Variants in DNAH5 observed in about 807,000 individuals in gnomAD.
DNAH5 encodes axonemal beta dynein heavy chain 5.
DNAH5 carries 372 observed loss-of-function variants against 518.2 expected under a neutral mutation model. That is an observed-to-expected ratio of 0.72 (90% CI 0.66 to 0.78). The LOEUF (loss-of-function observed/expected upper bound fraction) is 0.78, where lower values mean the gene tolerates loss of function less well. DNAH5 is among the 30% of genes least tolerant of loss of function. The pLI is 0.00. For synonymous variants in DNAH5, 2,039 were observed against 2,025.9 expected, an observed-to-expected ratio of 1.01 and a Z score of -0.17; for missense variants, 5,523 against 5,687.0, an observed-to-expected ratio of 0.97 and a Z score of 0.93.
chr5:13,972,836 C>A (rs2152058430), intron 1 of DNAH5, among the ~76,000 whole-genome samples: 1 of 152,320 alleles, frequency 6.6e-6, no homozygotes, highest in Non-Finnish European at 1.5e-5. Context: ...GTGGGAGCTG[C>A]AAGTTAATCC....
At chr5:13,736,487 T>C (rs188103761) in intron 66 of DNAH5, among the ~76,000 whole-genome samples, 2,227 of 152,176 alleles carry the variant, frequency 0.015, 33 homozygotes, top group South Asian at 0.042. Flanking sequence ...CTCCGCCTCC[T>C]GGGTTTAAGA....
At chr5:13,997,711 C>T (rs1170467512) in intron 1 of DNAH5, among the ~76,000 whole-genome samples, 5 of 152,234 alleles carry the variant, frequency 3.3e-5, no homozygotes, top group African/African-American at 4.8e-5. Flanking sequence ...AAAGCTGCTT[C>T]CACATTTTCA....
chr5:13,747,487 T>C (rs1279541169), intron 65 of DNAH5, among the ~76,000 whole-genome samples: 2 of 152,228 alleles, frequency 1.3e-5, no homozygotes, highest in African/African-American at 2.4e-5. Context: ...ATGGTTGAAC[T>C]AGTTTACAGT....
chr5:13,924,326 T>C (rs540201691), intron 3 of DNAH5, among the ~76,000 whole-genome samples: 2 of 152,190 alleles, frequency 1.3e-5, no homozygotes, highest in Non-Finnish European at 2.9e-5. Flanking sequence ...CACGTGACCT[T>C]GGCAAGTTAC....
At chr5:13,769,679 A>G (rs1753056515) in intron 56 of DNAH5, 64 bp from the exon 57 acceptor site, 2 of 1,328,896 alleles carry the variant, frequency 1.5e-6, no homozygotes, top group Non-Finnish European at 1.1e-6. Flanking sequence ...ATTCTCAAGT[A>G]CTGGTCCAAT....
chr5:13,694,758 T>C (rs1317619887), intron 78 of DNAH5, among the ~76,000 whole-genome samples: 1 of 152,208 alleles, frequency 6.6e-6, no homozygotes, highest in Non-Finnish European at 1.5e-5. Context: ...ACCACCCTTT[T>C]GCTAACAACA....
At chr5:13,698,312 GA>G (rs1561068232) in intron 78 of DNAH5, among the ~76,000 whole-genome samples, 1 of 152,170 alleles carries the variant, frequency 6.6e-6, no homozygotes, top group African/African-American at 2.4e-5. Context: ...AGAGAAACAA[GA>G]AGTATCTGAA....
chr5:13,870,343 G>A (rs1474825844), intron 24 of DNAH5, among the ~76,000 whole-genome samples: 5 of 152,148 alleles, frequency 3.3e-5, no homozygotes, highest in African/African-American at 1.2e-4. Flanking sequence ...TTCTCATGGG[G>A]AGGTTATAGC....
chr5:13,854,679 C>T (rs1420433805), intron 30 of DNAH5, among the ~76,000 whole-genome samples: 3 of 137,696 alleles, frequency 2.2e-5, no homozygotes, highest in Non-Finnish European at 4.8e-5. Flanking sequence ...GAATATTTAC[C>T]AAGCAAATGG....
At chr5:13,784,459 C>T (rs1002614104) in intron 52 of DNAH5, among the ~76,000 whole-genome samples, 1 of 152,186 alleles carries the variant, frequency 6.6e-6, no homozygotes, top group Non-Finnish European at 1.5e-5. Context: ...CAAGTGCCCT[C>T]GTGCTGGGGA....
At chr5:13,844,176 T>C (rs1765645296) in intron 32 of DNAH5, among the ~76,000 whole-genome samples, 2 of 152,240 alleles carry the variant, frequency 1.3e-5, no homozygotes, top group African/African-American at 4.8e-5. Flanking sequence ...GCATGACATC[T>C]GGAACATGGT....
intron 75 of DNAH5, among the ~76,000 whole-genome samples, chr5:13,710,263 G>C (rs957264706): frequency 6.6e-6 from 1 of 152,070 alleles, no homozygotes; most frequent in Non-Finnish European, 1.5e-5. Flanking sequence ...AGGAAAAGGG[G>C]GAGACTACTA....
chr5:13,800,977 G>A (rs534872536), intron 47 of DNAH5, among the ~76,000 whole-genome samples: 208 of 152,204 alleles, frequency 1.4e-3, no homozygotes, highest in African/African-American at 4.7e-3. Context: ...AAGGGTGTCT[G>A]GTACTATGTG....
chr5:13,956,694 G>C (rs1780786435), intron 1 of DNAH5, among the ~76,000 whole-genome samples: 1 of 152,180 alleles, frequency 6.6e-6, no homozygotes, highest in Non-Finnish European at 1.5e-5. Context: ...AGCAGAGACC[G>C]AAGTGTGAGG....
chr5:13,914,732 A>C, intron 9 of DNAH5, 90 bp from the exon 10 acceptor site: 6 of 1,304,876 alleles, frequency 4.6e-6, no homozygotes, highest in Non-Finnish European at 6.5e-6. Context: ...TCTACTTCTC[A>C]GAGTTCACAA....
At chr5:13,809,984 T>G in intron 45 of DNAH5, 75 bp downstream of exon 45, 6 of 1,353,284 alleles carry the variant, frequency 4.4e-6, no homozygotes, top group Non-Finnish European at 6.2e-6. Context: ...AGAAAAAATA[T>G]ATATGGTGTA....
At chr5:13,724,209 G>A (rs184638988) in intron 70 of DNAH5, among the ~76,000 whole-genome samples, 3 of 152,340 alleles carry the variant, frequency 2.0e-5, no homozygotes, top group East Asian at 1.9e-4. Context: ...AAAGTTTTGG[G>A]AGCCCATCCC....
Position 13,865,255 on chromosome 5 carries a change from A to T in DNAH5, c.4355+413T>A, listed in dbSNP as rs569483155. ...TGATCTGCCCACCTCAGCCTCCCAA[A>T]GTGCTGGGATTACAGGCATGAGCTA... On this transcript the variant is annotated intron_variant, in intron 27 of 78. Coordinates refer to ENST00000265104, the MANE Select transcript of DNAH5 (RefSeq NM_001369.3). 9.9e-5 allele frequency among the ~76,000 whole-genome samples: 15 copies of T among 152,228 alleles called. No homozygotes were observed. The East Asian group carries it at 2.9e-3, about 29-fold the overall frequency.
chr5:13,868,967 T>C (rs1393029713), intron 24 of DNAH5, among the ~76,000 whole-genome samples: 1 of 152,208 alleles, frequency 6.6e-6, no homozygotes, highest in Non-Finnish European at 1.5e-5. Context: ...TGTTTTGATC[T>C]TGTCTACTTG....
Sources: gnomAD v4.1 joint callset for allele counts (sites outside exome capture counted in the v4.1 genomes callset) on GRCh38, gnomAD v4.1.1 for gene constraint, MANE v1.5 for transcripts, NCBI Gene and HGNC (gene_info 2026-07-23, HGNC 2026-07-21) for gene names.